The following GRID1 variants were observed in gnomAD, a reference collection of about 807,000 sequenced individuals.
The protein encoded by GRID1 is glutamate receptor ionotropic, delta-1.
A neutral mutation model predicts 98.0 loss-of-function variants in GRID1; 28 were observed. The observed-to-expected ratio is 0.29, with a 90% confidence interval of 0.21 to 0.39. The LOEUF (loss-of-function observed/expected upper bound fraction) is 0.39, where lower values mean the gene tolerates loss of function less well. Among genes scored for constraint, GRID1 ranks in the 10% least tolerant of loss-of-function variants. The pLI, the probability that GRID1 is intolerant of heterozygous loss-of-function variation, is 1.00. For synonymous variants in GRID1, 553 were observed against 538.5 expected, an observed-to-expected ratio of 1.03 and a Z score of -0.37; for missense variants, 1,111 against 1,340.5, an observed-to-expected ratio of 0.83 and a Z score of 2.67.
chr10:86,153,715 C>T (rs1845202608), intron 3 of GRID1, among the ~76,000 whole-genome samples: 1 of 152,126 alleles, frequency 6.6e-6, no homozygotes, highest in Non-Finnish European at 1.5e-5. Flanking sequence ...CTCTGCAACC[C>T]CACAGAGCCC....
At chr10:86,353,976 A>T (rs1402600815) in intron 2 of GRID1, among the ~76,000 whole-genome samples, 4 of 152,028 alleles carry the variant, frequency 2.6e-5, no homozygotes, top group Non-Finnish European at 4.4e-5. Flanking sequence ...GTCAGGTCTC[A>T]GAGCTTTGAG....
chr10:85,985,435 C>A (rs985721699), intron 4 of GRID1, among the ~76,000 whole-genome samples: 2 of 152,066 alleles, frequency 1.3e-5, no homozygotes. Flanking sequence ...TGAATTTGAT[C>A]GATAAATTAG....
intron 2 of GRID1, among the ~76,000 whole-genome samples, chr10:86,265,084 G>A (rs1421394441): frequency 6.6e-6 from 1 of 152,230 alleles, no homozygotes; most frequent in African/African-American, 2.4e-5. Context: ...GACAGACCTG[G>A]GCTACTCATC....
chr10:85,641,755 G>C (rs1190423234), intron 13 of GRID1, among the ~76,000 whole-genome samples: 2 of 152,254 alleles, frequency 1.3e-5, no homozygotes, highest in Non-Finnish European at 2.9e-5. Context: ...ATAGATTTCA[G>C]AGGGAGGCCA....
At chr10:85,835,519 C>T (rs1215989217) in intron 8 of GRID1, among the ~76,000 whole-genome samples, 4 of 152,282 alleles carry the variant, frequency 2.6e-5, no homozygotes, top group Middle Eastern at 3.4e-3. Flanking sequence ...CCAGGTAAGA[C>T]GTGATATTGC....
At chr10:86,181,540 A>G (rs1307065633) in intron 3 of GRID1, among the ~76,000 whole-genome samples, 1 of 152,186 alleles carries the variant, frequency 6.6e-6, no homozygotes, top group Non-Finnish European at 1.5e-5. Flanking sequence ...AAGGATTAGG[A>G]AAGAATGCCT....
intron 12 of GRID1, among the ~76,000 whole-genome samples, chr10:85,705,147 C>G (rs577508366): frequency 6.6e-6 from 1 of 152,102 alleles, no homozygotes; most frequent in Non-Finnish European, 1.5e-5. Flanking sequence ...AATAGAGACA[C>G]AAAAAACCCT....
intron 4 of GRID1, among the ~76,000 whole-genome samples, chr10:86,031,062 A>T (rs1030424002): frequency 6.6e-6 from 1 of 152,114 alleles, no homozygotes; most frequent in Non-Finnish European, 1.5e-5. Context: ...AATCTGGCAC[A>T]TTTGCCACCA....
chr10:86,129,966 CA>C (rs1828701731), intron 4 of GRID1, among the ~76,000 whole-genome samples: 1 of 152,244 alleles, frequency 6.6e-6, no homozygotes, highest in African/African-American at 2.4e-5. Flanking sequence ...CCTGAGCACT[CA>C]CACTTGGTCT....
intron 4 of GRID1, among the ~76,000 whole-genome samples, chr10:85,917,859 A>G (rs571054180): frequency 1.3e-5 from 2 of 152,356 alleles, no homozygotes; most frequent in African/African-American, 4.8e-5. Flanking sequence ...TGCAAGGGCT[A>G]AAGAGCCAGA....
At chr10:86,150,818 T>C (rs1845156861) in intron 3 of GRID1, among the ~76,000 whole-genome samples, 1 of 152,170 alleles carries the variant, frequency 6.6e-6, no homozygotes. Flanking sequence ...CTCCACCAGG[T>C]GCGCACACTG....
At chr10:85,901,534 T>A (rs1419236842) in intron 5 of GRID1, among the ~76,000 whole-genome samples, 2 of 152,220 alleles carry the variant, frequency 1.3e-5, no homozygotes, top group Non-Finnish European at 2.9e-5. Context: ...CTTTTAAGCG[T>A]GCTTGCTGTC....
In GRID1 at chr10:85,757,022, G is replaced by A. The variant is rs151112327; in HGVS notation, c.1234-27408C>T. Among the ~76,000 whole-genome samples, 33 of 152,154 alleles carry A rather than the reference G, an allele frequency of 2.2e-4. 1 individual carries two copies. The highest frequency in any genetic ancestry group is 4.6e-4 in the Non-Finnish European group (31 of 68,032). ...TTCTCATAGTCTGTCAGCTGCTTTTGTATAGCCCCTCCAAGGATCTACCTT... is the reference window on the plus strand; with the variant it reads ...TTCTCATAGTCTGTCAGCTGCTTTTATATAGCCCCTCCAAGGATCTACCTT... On this transcript the variant is annotated intron_variant, in intron 8 of 15. Transcript: ENST00000327946.
chr10:85,682,553 C>T (rs758333994), intron 12 of GRID1, among the ~76,000 whole-genome samples: 6 of 152,262 alleles, frequency 3.9e-5, no homozygotes, highest in Non-Finnish European at 8.8e-5. Context: ...GCCAGCAGCA[C>T]ATCACTGCTT....
intron 5 of GRID1, among the ~76,000 whole-genome samples, chr10:85,909,529 T>C (rs940785881): frequency 6.6e-6 from 1 of 152,214 alleles, no homozygotes; most frequent in Non-Finnish European, 1.5e-5. Context: ...GATAATCATA[T>C]TGTGGTATAT....
At chr10:85,988,032 G>A (rs2352464) in intron 4 of GRID1, among the ~76,000 whole-genome samples, 111,815 of 152,002 alleles carry the variant, frequency 0.74, 41,343 homozygotes, top group South Asian at 0.83. Flanking sequence ...CTCAAAAACA[G>A]AAGACCTGCT....
chr10:85,671,862 G>A (rs1841089569), intron 12 of GRID1, among the ~76,000 whole-genome samples: 1 of 152,230 alleles, frequency 6.6e-6, no homozygotes, highest in Admixed American at 6.5e-5. Flanking sequence ...AGTTTTAGTG[G>A]TCTGAATAGA....
chr10:85,987,187 T>C (rs1419387063), intron 4 of GRID1, among the ~76,000 whole-genome samples: 1 of 151,970 alleles, frequency 6.6e-6, no homozygotes, highest in East Asian at 1.9e-4. Context: ...CTTCAAAGCC[T>C]ACCCTGGATT....
At chr10:85,825,957 T>C (rs998638777) in intron 8 of GRID1, among the ~76,000 whole-genome samples, 1 of 151,902 alleles carries the variant, frequency 6.6e-6, no homozygotes, top group Admixed American at 6.6e-5. Context: ...AAAGATAAAA[T>C]AACAAATAAA....
Sources: gnomAD v4.1 joint callset for allele counts (sites outside exome capture counted in the v4.1 genomes callset) on GRCh38, gnomAD v4.1.1 for gene constraint, MANE v1.5 for transcripts, NCBI Gene and HGNC (gene_info 2026-07-23, HGNC 2026-07-21) for gene names.